The following SYK variants were observed in gnomAD, a reference collection of about 807,000 sequenced individuals.
SYK encodes the protein spleen associated tyrosine kinase.
Under a neutral mutation model 77.8 loss-of-function variants are expected in SYK, and 16 were observed. The ratio of observed to expected loss-of-function variants is 0.21; its 90% CI spans 0.14 to 0.31. The LOEUF is 0.31. Ranked by LOEUF, SYK falls within the 10% of genes least tolerant of loss-of-function variation. The probability of loss-of-function intolerance (pLI) is 1.00; values close to 1 mark genes in which losing one functional copy is unlikely to be tolerated. For missense variants in SYK, 529 were observed against 814.4 expected (o/e 0.65, Z 4.26); for synonymous variants, 312 against 308.7 (o/e 1.01, Z -0.11).
rs1432938023 is a variant in SYK, at chr9:90,896,262, A to G, written c.*662A>G. ...GTCTCTGTTATGAGATGGAAGACTT[A>G]CATGTTTGTGATAAAAGGGGACCAT... On this transcript the variant is annotated 3_prime_UTR_variant, in exon 14 of 14. Coordinates refer to ENST00000375754, the MANE Select transcript of SYK (RefSeq NM_003177.7). 8.6e-6 allele frequency: 2 copies of G among 233,022 alleles called. No homozygotes were observed. The highest frequency in any genetic ancestry group is 1.7e-5 in the Non-Finnish European group (2 of 118,040). 14.4% of individuals were successfully genotyped at this position (233,022 alleles called of 1,614,324 possible). A position where few individuals can be genotyped will look rare whatever the true frequency, so the allele number is the denominator to read the frequency against.
At chr9:90,808,949 C>T (rs1164047453) in intron 1 of SYK, among the ~76,000 whole-genome samples, 6 of 152,316 alleles carry the variant, frequency 3.9e-5, no homozygotes, top group East Asian at 3.9e-4. Context: ...AGATCCTCAG[C>T]GTGCTATGAC....
chr9:90,864,790 A>G, intron 5 of SYK, 123 bp downstream of exon 5: 2 of 833,054 alleles, frequency 2.4e-6, no homozygotes, highest in South Asian at 1.6e-5. Context: ...TTGATTAATA[A>G]TGATATCAGA....
At chr9:90,832,749 A>G (rs191010014) in intron 1 of SYK, among the ~76,000 whole-genome samples, 1 of 152,338 alleles carries the variant, frequency 6.6e-6, no homozygotes, top group African/African-American at 2.4e-5. Context: ...TCCATTGCAC[A>G]TGCTATATCA....
chr9:90,810,751 A>AAG (rs767725864), intron 1 of SYK, among the ~76,000 whole-genome samples: 1 of 152,208 alleles, frequency 6.6e-6, no homozygotes. Flanking sequence ...CAAAAACTTA[A>AAG]AGAGAGAGAG....
rs1454215511 is a variant in SYK at position 90,862,384 on chromosome 9, G to C, written c.717+40G>C. ...CTCCCCACCTTGTGGGTAGAGTACA[G>C]GGCACGTGGGGCTCCTTGTCCCATG... On this transcript the variant is annotated intron_variant, in intron 4 of 13. Coordinates refer to ENST00000375754, the MANE Select transcript of SYK (RefSeq NM_003177.7). The C allele has an allele frequency of 1.9e-6, 3 of 1,592,738 alleles. No homozygotes were observed. In the East Asian group the frequency reaches 6.7e-5, roughly 36 times the overall value.
intron 1 of SYK, among the ~76,000 whole-genome samples, chr9:90,827,156 AT>A (rs72492585): frequency 0.13 from 19,420 of 151,996 alleles, 1,623 homozygotes; most frequent in East Asian, 0.44. Context: ...GACCAAGTTC[AT>A]TTTTGGTAAA....
chr9:90,893,767 A>G (rs1054007032), intron 13 of SYK, among the ~76,000 whole-genome samples: 2 of 152,330 alleles, frequency 1.3e-5, no homozygotes, highest in Admixed American at 1.3e-4. Context: ...GGCCGCCTTT[A>G]GGGATTGCAG....
Position 90,867,190 on chromosome 9 carries a change from C to A in SYK, c.906C>A (p.Gly302=). Residue 302 remains glycine, a synonymous_variant, in exon 7 of 14, where the codon GGC becomes GGA. Transcript: ENST00000375754. The part of the protein sequence containing the change: ...RIKSYSFPKP[G]HRKSSPAQGN... ...AATCATACTCCTTCCCAAAGCCTGGCCACAGAAAGGTGCTAAAGCAACCCC... is the reference window on the plus strand; with the variant it reads ...AATCATACTCCTTCCCAAAGCCTGGACACAGAAAGGTGCTAAAGCAACCCC... 1 of 1,614,150 alleles carries A rather than the reference C, an allele frequency of 6.2e-7. No individual in the cohort carries two copies. Among genetic ancestry groups the A allele is most frequent in the Non-Finnish European group, 8.5e-7 (1 of 1,180,004 alleles).
chr9:90,805,760 A>AT (rs1344514935), intron 1 of SYK, among the ~76,000 whole-genome samples: 1 of 152,018 alleles, frequency 6.6e-6, no homozygotes, highest in Non-Finnish European at 1.5e-5. Flanking sequence ...ACCTAAGTTA[A>AT]TTTCTCTTTT....
intron 11 of SYK, 56 bp from the exon 12 acceptor site, chr9:90,887,693 G>A: frequency 2.6e-6 from 4 of 1,541,020 alleles, no homozygotes; most frequent in Non-Finnish European, 2.6e-6. Context: ...ATGAACCAAT[G>A]TGCCCGGCCC....
At chr9:90,827,785 T>C (rs765541041) in intron 1 of SYK, among the ~76,000 whole-genome samples, 6 of 152,230 alleles carry the variant, frequency 3.9e-5, no homozygotes, top group African/African-American at 9.6e-5. Flanking sequence ...CCTGCAGTTA[T>C]GATGCAGCTA....
At chr9:90,883,589 A>C (rs994961102) in intron 11 of SYK, among the ~76,000 whole-genome samples, 28 of 152,034 alleles carry the variant, frequency 1.8e-4, no homozygotes, top group African/African-American at 6.8e-4. Context: ...CAACCTAGAG[A>C]CCACCCCTCC....
Position 90,895,864 on chromosome 9 carries a change from A to G in SYK, c.*264A>G. ...TTTCTTGTCTGTGTGATTTTCATAC[A>G]GGTTATTTTTACGATCTGTTTCCAA... On this transcript the variant is annotated 3_prime_UTR_variant, in exon 14 of 14. Transcript: ENST00000375754. This position sits in a 1 kb window ranked among gnomAD's most constrained non-coding sequence, Gnocchi z 4.4. 2.1e-6 allele frequency: 1 copy of G among 467,126 alleles called. No individual in the cohort carries two copies. Among genetic ancestry groups the G allele is most frequent in the South Asian group, 2.7e-5 (1 of 36,436 alleles). 28.9% of individuals were successfully genotyped at this position (467,126 alleles called of 1,614,324 possible). A position where few individuals can be genotyped will look rare whatever the true frequency, so the allele number is the denominator to read the frequency against.
At chr9:90,806,830 C>T (rs905155189) in intron 1 of SYK, among the ~76,000 whole-genome samples, 1 of 152,202 alleles carries the variant, frequency 6.6e-6, no homozygotes, top group Non-Finnish European at 1.5e-5. Flanking sequence ...TGTTTTACAT[C>T]AGTGTCAATG....
At chr9:90,804,900 A>G (rs925328723) in intron 1 of SYK, among the ~76,000 whole-genome samples, 12 of 151,498 alleles carry the variant, frequency 7.9e-5, no homozygotes, top group Non-Finnish European at 2.9e-5. Context: ...TATCAGGGAC[A>G]TTTTCTATTT....
intron 1 of SYK, among the ~76,000 whole-genome samples, chr9:90,815,016 A>C (rs1031100254): frequency 3.9e-5 from 6 of 152,182 alleles, no homozygotes; most frequent in Non-Finnish European, 1.5e-5. Context: ...TAGTTTCTGA[A>C]AGAACAAACC....
intron 3 of SYK, 109 bp from the exon 4 acceptor site, chr9:90,862,097 C>T: frequency 7.4e-7 from 1 of 1,345,440 alleles, no homozygotes; most frequent in Non-Finnish European, 9.8e-7. Context: ...TGCCAGGTGA[C>T]AGGCCCCAGA....
intron 1 of SYK, among the ~76,000 whole-genome samples, chr9:90,827,744 G>A (rs1286933843): frequency 2.6e-5 from 4 of 152,300 alleles, no homozygotes; most frequent in Admixed American, 1.3e-4. Flanking sequence ...ATCTTGAGCT[G>A]GAAGGTTTAG....
intron 1 of SYK, among the ~76,000 whole-genome samples, chr9:90,815,169 T>C (rs892003569): frequency 9.2e-5 from 14 of 151,892 alleles, no homozygotes; most frequent in African/African-American, 3.4e-4. Context: ...AAAGAAGATG[T>C]AGAGAGGTAA....
Sources: gnomAD v4.1 joint callset for allele counts (sites outside exome capture counted in the v4.1 genomes callset) on GRCh38, gnomAD v4.1.1 for gene constraint, Gnocchi (gnomAD v3.1) non-coding constraint, MANE v1.5 for transcripts, NCBI Gene and HGNC (gene_info 2026-07-23, HGNC 2026-07-21) for gene names.